Variants in ARIH1 observed in about 807,000 individuals in gnomAD.
The protein encoded by ARIH1 is E3 ubiquitin-protein ligase ARIH1.
Under a neutral mutation model 85.0 loss-of-function variants are expected in ARIH1, and 8 were observed. The observed-to-expected ratio is 0.09, with a 90% CI of 0.06 to 0.17. The LOEUF (loss-of-function observed/expected upper bound fraction) is 0.17, where lower values mean the gene tolerates loss of function less well. ARIH1 is among the 10% of genes least tolerant of loss of function. The pLI is 1.00. For missense variants in ARIH1, 311 were observed against 718.1 expected, an observed-to-expected ratio of 0.43 and a Z score of 6.48; for synonymous variants, 238 against 253.6, an observed-to-expected ratio of 0.94 and a Z score of 0.59.
At position 72,589,783 on chromosome 15, in the gene ARIH1, A is replaced by C. The variant is rs1405852644; in HGVS notation, c.*6491A>C. On this transcript the variant is annotated 3_prime_UTR_variant, in exon 14 of 14. Coordinates refer to ENST00000379887, the MANE Select transcript of ARIH1 (RefSeq NM_005744.5). ...TGGTATATGGTAGATACTCGTGGCTACTTAGTATTTACCAAATGCTTTGTT... is the reference window on the plus strand; with the variant it reads ...TGGTATATGGTAGATACTCGTGGCTCCTTAGTATTTACCAAATGCTTTGTT... 6.6e-6 allele frequency: 1 copy of C among 152,170 alleles called. No individual in the cohort carries two copies. Among genetic ancestry groups the C allele is most frequent in the Non-Finnish European group, 1.5e-5 (1 of 68,024 alleles). The allele number at this position is 152,170 out of a possible 1,614,324, so 9.4% of individuals were successfully genotyped here.
chr15:72,563,766 C>T (rs1420499880), intron 7 of ARIH1, among the ~76,000 whole-genome samples: 2 of 152,064 alleles, frequency 1.3e-5, no homozygotes, highest in African/African-American at 2.4e-5. Flanking sequence ...TTCCTGTATG[C>T]TCCACTGTAA....
intron 11 of ARIH1, among the ~76,000 whole-genome samples, chr15:72,578,827 T>TC (rs1360131985): frequency 6.6e-6 from 1 of 150,486 alleles, no homozygotes; most frequent in African/African-American, 2.4e-5. Flanking sequence ...TTTTGTTTTT[T>TC]TTTTTCAGAG....
intron 2 of ARIH1, among the ~76,000 whole-genome samples, chr15:72,537,907 C>T (rs1369189357): frequency 6.6e-6 from 1 of 152,170 alleles, no homozygotes; most frequent in Non-Finnish European, 1.5e-5. Flanking sequence ...TATACATTTT[C>T]ATACATGGAT....
chr15:72,490,054 G>A (rs866781453), intron 1 of ARIH1, among the ~76,000 whole-genome samples: 5 of 151,974 alleles, frequency 3.3e-5, no homozygotes, highest in East Asian at 3.9e-4. Context: ...AATGTAATAC[G>A]TATAGTCACC....
intron 3 of ARIH1, among the ~76,000 whole-genome samples, chr15:72,552,669 G>T (rs1595868078): frequency 6.6e-6 from 1 of 152,074 alleles, no homozygotes; most frequent in African/African-American, 2.4e-5. Flanking sequence ...CAGTGTGTGT[G>T]TAAGTGTGTA....
chr15:72,576,375 G>A (rs1181416899), intron 11 of ARIH1, among the ~76,000 whole-genome samples: 8 of 151,730 alleles, frequency 5.3e-5, no homozygotes, highest in Non-Finnish European at 1.0e-4. Flanking sequence ...GCGTGGTGGC[G>A]GGCACCTGTA....
chr15:72,527,582 C>G (rs1329982905), intron 2 of ARIH1, among the ~76,000 whole-genome samples: 1 of 152,020 alleles, frequency 6.6e-6, no homozygotes, highest in East Asian at 1.9e-4. Flanking sequence ...TGACAGTCAC[C>G]AAATTCATTT....
chr15:72,529,728 T>C (rs1018877784), intron 2 of ARIH1, among the ~76,000 whole-genome samples: 2 of 152,122 alleles, frequency 1.3e-5, no homozygotes, highest in African/African-American at 2.4e-5. Context: ...AGAAGTGATA[T>C]GGGAACCTGG....
chr15:72,543,477 T>G (rs1187169174), intron 2 of ARIH1, among the ~76,000 whole-genome samples: 1 of 152,206 alleles, frequency 6.6e-6, no homozygotes, highest in Non-Finnish European at 1.5e-5. Flanking sequence ...ATAATCCTCC[T>G]TTTTATAATG....
chr15:72,509,336 G>A (rs1470399928), intron 1 of ARIH1, among the ~76,000 whole-genome samples: 1 of 152,112 alleles, frequency 6.6e-6, no homozygotes, highest in Non-Finnish European at 1.5e-5. Flanking sequence ...CTCCAGTGCA[G>A]GCTAGATTAC....
chr15:72,549,675 C>T (rs956408236), intron 3 of ARIH1, among the ~76,000 whole-genome samples: 7 of 152,008 alleles, frequency 4.6e-5, no homozygotes, highest in African/African-American at 9.7e-5. Context: ...GTTATATGGA[C>T]AACTTATTAT....
chr15:72,565,970 T>C (rs2064218546), intron 7 of ARIH1, among the ~76,000 whole-genome samples: 1 of 152,144 alleles, frequency 6.6e-6, no homozygotes, highest in Non-Finnish European at 1.5e-5. Flanking sequence ...TTGTTAATTA[T>C]ACTTCTTTTA....
chr15:72,575,259 C>T (rs530066956), intron 11 of ARIH1, among the ~76,000 whole-genome samples: 8 of 152,284 alleles, frequency 5.3e-5, no homozygotes, highest in African/African-American at 1.7e-4. Flanking sequence ...TTACATTTCT[C>T]ATTCCAGATT....
rs538638684 is a variant in ARIH1, at chr15:72,573,779, G to C, written c.1215+1614G>C. On this transcript the variant is annotated intron_variant, in intron 11 of 13. Transcript: ENST00000379887. Reference sequence around the variant, plus strand: ...ACAATTCTACAGCCAAACCAAGAGAGCCACAAAATCAGTGAAACTCAAGTA... The same window carrying C: ...ACAATTCTACAGCCAAACCAAGAGACCCACAAAATCAGTGAAACTCAAGTA... Among the ~76,000 whole-genome samples, 4 of 152,102 alleles carry C rather than the reference G, an allele frequency of 2.6e-5. No homozygotes were observed. The East Asian group carries it at 7.7e-4, about 29-fold the overall frequency.
At chr15:72,562,036 G>A (rs978535639) in intron 6 of ARIH1, among the ~76,000 whole-genome samples, 2 of 152,116 alleles carry the variant, frequency 1.3e-5, no homozygotes, top group African/African-American at 4.8e-5. Flanking sequence ...TCTCTCCATA[G>A]ATCTTGACCT....
chr15:72,498,243 GT>G (rs11335721), intron 1 of ARIH1, among the ~76,000 whole-genome samples: 116,571 of 151,190 alleles, frequency 0.77, 51,085 homozygotes, highest in Non-Finnish European at 0.96. Context: ...CAACCAAAAT[GT>G]TTTTTTTTTA....
At position 72,593,601 on chromosome 15, in the gene ARIH1, G is replaced by C. The variant is rs558286309; in HGVS notation, c.*10309G>C. 57 of 152,126 alleles carry C rather than the reference G, an allele frequency of 3.7e-4. No individual in the cohort carries two copies. Among genetic ancestry groups the C allele is most frequent in the African/African-American group, 1.3e-3 (54 of 41,500 alleles). The allele number at this position is 152,126 out of a possible 1,614,324, so 9.4% of individuals were successfully genotyped here. A position where few individuals can be genotyped will look rare whatever the true frequency, so the allele number is the denominator to read the frequency against. ...TTTTCTTTACCCATTAGATTGACTT[G>C]GTAGCTTGGTTAAAAATTGATCACG... is the stretch of plus-strand genomic sequence containing the variant. On this transcript the variant is annotated 3_prime_UTR_variant, in exon 14 of 14. Coordinates refer to ENST00000379887, the MANE Select transcript of ARIH1 (RefSeq NM_005744.5).
chr15:72,554,264 T>C (rs1177607332), intron 3 of ARIH1, among the ~76,000 whole-genome samples: 1 of 152,204 alleles, frequency 6.6e-6, no homozygotes, highest in East Asian at 1.9e-4. Context: ...CTATGGTAAC[T>C]CTATGTTTAA....
chr15:72,579,196 C>G (rs1168779280), intron 11 of ARIH1, among the ~76,000 whole-genome samples: 2 of 152,116 alleles, frequency 1.3e-5, no homozygotes, highest in African/African-American at 2.4e-5. Context: ...TCTCTTCCCC[C>G]CTCCTTGCTT....
Sources: allele counts gnomAD v4.1 joint callset (sites outside exome capture counted in the v4.1 genomes callset), GRCh38; gene constraint gnomAD v4.1.1; transcripts MANE v1.5; gene names NCBI Gene and HGNC (gene_info 2026-07-23, HGNC 2026-07-21).